HOXB7: variants seen among roughly 807,000 people sequenced by gnomAD.
HOXB7 encodes the protein homeobox B7, also known as homeobox protein Hox-B7.
HOXB7 carries 11 observed loss-of-function variants against 19.2 expected under a neutral mutation model. The ratio of observed to expected loss-of-function variants is 0.57; its 90% CI spans 0.36 to 0.95. HOXB7 has a LOEUF of 0.95. Among genes scored for constraint, HOXB7 ranks in the 40% least tolerant of loss-of-function variants. HOXB7 has a pLI of 0.01. For synonymous variants in HOXB7, 141 were observed against 130.2 expected (o/e 1.08, Z -0.56); for missense variants, 318 against 301.1 (o/e 1.06, Z -0.42).
Position 48,607,974 on chromosome 17 carries a change from G to A in HOXB7, c.522C>T (p.Leu174=), listed in dbSNP as rs775030826. 3 of 1,614,178 alleles carry A rather than the reference G, an allele frequency of 1.9e-6. 1 individual carries two copies. The South Asian group carries it at 3.3e-5, about 18-fold the overall frequency. Residue 174 remains leucine, a synonymous_variant, in exon 2 of 2, where the codon CTC becomes CTT. Coordinates refer to ENST00000239165, the MANE Select transcript of HOXB7 (RefSeq NM_004502.4). ...RRRRIEIAHT[L]CLTERQIKIW... is the part of the protein sequence containing the mutation. ...TCTTGATCTGTCTTTCCGTGAGGCA[G>A]AGCGTGTGCGCGATCTCGATGCGCC...
chr17:48,610,523 G>A lies in HOXB7; in HGVS notation c.396C>T (p.Ser132=). Residue 132 remains serine (S), a synonymous_variant, in exon 1 of 2, where the codon AGC becomes AGT. Transcript: ENST00000239165. ...CAGCTCGGTGCGCGGCGTTACCTGA[G>A]CTTCGCATCCAGGGGTAGATCCGGA... ...SNFRIYPWMR[S]SGTDRKRGRQ... 1 of 1,493,014 alleles carries A rather than the reference G, an allele frequency of 6.7e-7. No individual in the cohort carries two copies. The highest frequency in any genetic ancestry group is 1.9e-4 in the Middle Eastern group (1 of 5,216). The allele number at this position is 1,493,014 out of a possible 1,614,324, so 92.5% of individuals were successfully genotyped here.
chr17:48,607,719 TTTTG>T lies in HOXB7; in HGVS notation c.*119_*122del. 1.3e-6 allele frequency: 1 copy of T among 747,842 alleles called. No homozygotes were observed. The highest frequency in any genetic ancestry group is 2.0e-6 in the Non-Finnish European group (1 of 503,900). 46.3% of individuals were successfully genotyped at this position (747,842 alleles called of 1,614,324 possible). A position where few individuals can be genotyped will look rare whatever the true frequency, so the allele number is the denominator to read the frequency against. ...TTAAATAGGGTTTTTTTTTTGTTTT[TTTTG>T]TTTTTTGTTTTGTTTTTTTACTTCC... On this transcript the variant is annotated 3_prime_UTR_variant, in exon 2 of 2. Transcript: ENST00000239165.
At chr17:48,610,498 C>T in intron 1 of HOXB7, 21 bp downstream of exon 1, 1 of 1,463,850 alleles carries the variant, frequency 6.8e-7, no homozygotes, top group South Asian at 1.4e-5. Context: ...GGGCTCAGGA[C>T]AGCTCGGTGC....
chr17:48,610,942 C>T lies in HOXB7; in HGVS notation c.-24G>A. 6.8e-7 allele frequency: 1 copy of T among 1,468,204 alleles called. No individual in the cohort carries two copies. The highest frequency in any genetic ancestry group is 1.5e-5 in the South Asian group (1 of 67,544). 90.9% of individuals were successfully genotyped at this position (1,468,204 alleles called of 1,614,324 possible). A position where few individuals can be genotyped will look rare whatever the true frequency, so the allele number is the denominator to read the frequency against. The stretch of plus-strand genomic sequence containing the variant: ...ATAATTTGGCCGGATGATTTGTAGG[C>T]AGGGACGTTTTAGTGTCGGTTTTAC... On this transcript the variant is annotated 5_prime_UTR_variant, in exon 1 of 2. Transcript: ENST00000239165.
chr17:48,607,720 TTTG>T lies in HOXB7; in HGVS notation c.*119_*121del. 1.3e-6 allele frequency: 1 copy of T among 753,922 alleles called. No homozygotes were observed. Among genetic ancestry groups the T allele is most frequent in the Non-Finnish European group, 2.0e-6 (1 of 509,012 alleles). The allele number at this position is 753,922 out of a possible 1,614,324, so 46.7% of individuals were successfully genotyped here. ...TAAATAGGGTTTTTTTTTTGTTTTTTTTGTTTTTTGTTTTGTTTTTTTACTTCC... is the reference window on the plus strand; with the variant it reads ...TAAATAGGGTTTTTTTTTTGTTTTTTTTTTTTGTTTTGTTTTTTTACTTCC... On this transcript the variant is annotated 3_prime_UTR_variant, in exon 2 of 2. Transcript: ENST00000239165.
chr17:48,607,793 C>G lies in HOXB7; in HGVS notation c.*49G>C. 1.0e-4 allele frequency: 143 copies of G among 1,376,434 alleles called. No individual in the cohort carries two copies. The highest frequency in any genetic ancestry group is 1.4e-4 in the Non-Finnish European group (135 of 984,614). The allele number at this position is 1,376,434 out of a possible 1,614,324, so 85.3% of individuals were successfully genotyped here. Reference sequence around the variant, plus strand: ...TGATTCAGTTCCCAGAGCTGGGCTTCTCTTCCTCTCCCTTTCTCATGTCTC... The same window carrying G: ...TGATTCAGTTCCCAGAGCTGGGCTTGTCTTCCTCTCCCTTTCTCATGTCTC... On this transcript the variant is annotated 3_prime_UTR_variant, in exon 2 of 2. Coordinates refer to ENST00000239165, the MANE Select transcript of HOXB7 (RefSeq NM_004502.4).
rs770843856 is a variant in HOXB7 at position 48,607,965 on chromosome 17, C to G, written c.531G>C (p.Thr177=). The change falls in exon 2 of 2, where the codon ACG becomes ACC. Residue 177 remains threonine (T), a synonymous_variant. Coordinates refer to ENST00000239165, the MANE Select transcript of HOXB7 (RefSeq NM_004502.4). ...GAAACCAAATCTTGATCTGTCTTTC[C>G]GTGAGGCAGAGCGTGTGCGCGATCT... The part of the protein sequence containing the change: ...RIEIAHTLCL[T]ERQIKIWFQN... The G allele has an allele frequency of 1.2e-6, 2 of 1,614,060 alleles. No homozygotes were observed. The highest frequency in any genetic ancestry group is 4.5e-5 in the East Asian group (2 of 44,888).
Position 48,610,937 on chromosome 17 carries a change from G to C in HOXB7, c.-19C>G. The C allele has an allele frequency of 6.8e-7, 1 of 1,474,056 alleles. No homozygotes were observed. The highest frequency in any genetic ancestry group is 9.0e-7 in the Non-Finnish European group (1 of 1,111,238). The allele number at this position is 1,474,056 out of a possible 1,614,324, so 91.3% of individuals were successfully genotyped here. On this transcript the variant is annotated 5_prime_UTR_variant, in exon 1 of 2. Coordinates refer to ENST00000239165, the MANE Select transcript of HOXB7 (RefSeq NM_004502.4). Reference sequence around the variant, plus strand: ...AACTCATAATTTGGCCGGATGATTTGTAGGCAGGGACGTTTTAGTGTCGGT... The same window carrying C: ...AACTCATAATTTGGCCGGATGATTTCTAGGCAGGGACGTTTTAGTGTCGGT...
At position 48,607,900 on chromosome 17, in the gene HOXB7, G is replaced by A. The variant is rs766204258; in HGVS notation, c.596C>T (p.Ala199Val). ...GTCTTGGCCGGTGGTCCCCGGGCCC[G>A]CGGTCTTGTTCTCCTTTTTCCACTT... ...RMKWKKENKT[A>V]GPGTTGQDRA... Residue 199 changes from alanine (A) to valine (V), a missense_variant, in exon 2 of 2, where the codon GCG becomes GTG. Ala to Val is a moderately conservative substitution (Grantham distance 64). Coordinates refer to ENST00000239165, the MANE Select transcript of HOXB7 (RefSeq NM_004502.4). 10 of 1,613,780 alleles carry A rather than the reference G, an allele frequency of 6.2e-6. No individual in the cohort carries two copies. In the East Asian group the frequency reaches 1.8e-4, roughly 29 times the overall value.
Position 48,610,683 on chromosome 17 carries a change from C to CCAT in HOXB7, c.233_235dup (p.Tyr78_Gly79insAsp), listed in dbSNP as rs770361846. 6.4e-7 allele frequency: 1 copy of CCAT among 1,573,634 alleles called. No individual in the cohort carries two copies. Among genetic ancestry groups the CCAT allele is most frequent in the South Asian group, 1.1e-5 (1 of 87,674 alleles). ...CATGTTGAAGGAACTCGGCTCGAGCCCATAGCCGGCCGCGTAGACGCCGGC... is the reference window on the plus strand; with the variant it reads ...CATGTTGAAGGAACTCGGCTCGAGCCCATCATAGCCGGCCGCGTAGACGCCGGC... On this transcript the variant is annotated inframe_insertion, in exon 1 of 2. Coordinates refer to ENST00000239165, the MANE Select transcript of HOXB7 (RefSeq NM_004502.4).
rs558115083 is a variant in HOXB7, at chr17:48,609,839, C to T, written c.400+680G>A. On this transcript the variant is annotated intron_variant, in intron 1 of 1. Coordinates refer to ENST00000239165, the MANE Select transcript of HOXB7 (RefSeq NM_004502.4). Reference sequence around the variant, plus strand: ...GCCCCTTTCTAGTTCTCCTGTTCCACTCCCCCACCCAGGTTCACTGGGATC... The same window carrying T: ...GCCCCTTTCTAGTTCTCCTGTTCCATTCCCCCACCCAGGTTCACTGGGATC... Among the ~76,000 whole-genome samples, 7 of 152,322 alleles carry T rather than the reference C, an allele frequency of 4.6e-5. No homozygotes were observed. In the South Asian group the frequency reaches 1.5e-3, roughly 32 times the overall value.
At chr17:48,608,445 A>AG (rs1247582884) in intron 1 of HOXB7, 1 of 167,832 alleles carries the variant, frequency 6.0e-6, no homozygotes, top group Middle Eastern at 2.7e-3. Context: ...AAAAAAAAAA[A>AG]AAGGAAACGC....
At position 48,607,859 on chromosome 17, in the gene HOXB7, C is replaced by T. The variant is rs572654468; in HGVS notation, c.637G>A (p.Glu213Lys). Residue 213 changes from glutamate to lysine, a missense_variant, in exon 2 of 2, where the codon GAG becomes AAG. Coordinates refer to ENST00000239165, the MANE Select transcript of HOXB7 (RefSeq NM_004502.4). The part of the protein sequence containing the change: ...TTGQDRAEAE[E>K]EEEE ...TCCATCCCTCACTCTTCCTCTTCCT[C>T]CTCTGCTTCAGCCCTGTCTTGGCCG... The T allele has an allele frequency of 1.5e-5, 25 of 1,613,808 alleles. No homozygotes were observed. The highest frequency in any genetic ancestry group is 8.3e-5 in the Admixed American group (5 of 60,030).
At chr17:48,610,347 G>A (rs1243162107) in intron 1 of HOXB7, among the ~76,000 whole-genome samples, 172 bp downstream of exon 1, 1 of 152,184 alleles carries the variant, frequency 6.6e-6, no homozygotes, top group Non-Finnish European at 1.5e-5. Flanking sequence ...GAGCAAATAT[G>A]GGGGCGGGGA....
At chr17:48,608,785 C>T (rs2070615423) in intron 1 of HOXB7, among the ~76,000 whole-genome samples, 1 of 152,140 alleles carries the variant, frequency 6.6e-6, no homozygotes, top group South Asian at 2.1e-4. Flanking sequence ...GGACCCTAAA[C>T]CCCCTTTTCT....
chr17:48,609,079 T>G (rs537799735), intron 1 of HOXB7, among the ~76,000 whole-genome samples: 3 of 152,350 alleles, frequency 2.0e-5, no homozygotes, highest in Non-Finnish European at 4.4e-5. Flanking sequence ...CTGTCCTGCT[T>G]GCCTGCTTGC....
Position 48,607,725 on chromosome 17 carries a change from T to G in HOXB7, c.*117A>C, listed in dbSNP as rs961689217. 4.8e-5 allele frequency: 38 copies of G among 786,796 alleles called. No individual in the cohort carries two copies. In the Admixed American group the frequency reaches 1.2e-3, roughly 24 times the overall value. The allele number at this position is 786,796 out of a possible 1,614,324, so 48.7% of individuals were successfully genotyped here. A position where few individuals can be genotyped will look rare whatever the true frequency, so the allele number is the denominator to read the frequency against. The stretch of plus-strand genomic sequence containing the variant: ...AGGGTTTTTTTTTTGTTTTTTTTGT[T>G]TTTTGTTTTGTTTTTTTACTTCCCT... On this transcript the variant is annotated 3_prime_UTR_variant, in exon 2 of 2. Transcript: ENST00000239165.
intron 1 of HOXB7, among the ~76,000 whole-genome samples, chr17:48,609,709 C>T (rs1201003858): frequency 6.6e-6 from 1 of 152,070 alleles, no homozygotes; most frequent in Non-Finnish European, 1.5e-5. Context: ...AGAAAAGGGT[C>T]ACTTATCTGG....
At chr17:48,609,353 G>A (rs1225636116) in intron 1 of HOXB7, among the ~76,000 whole-genome samples, 7 of 152,218 alleles carry the variant, frequency 4.6e-5, no homozygotes, top group Non-Finnish European at 8.8e-5. Context: ...AAATGCTGAT[G>A]AGCAGAAAAA....
Sources: gnomAD v4.1 joint callset for allele counts (sites outside exome capture counted in the v4.1 genomes callset) on GRCh38, gnomAD v4.1.1 for gene constraint, MANE v1.5 for transcripts, NCBI Gene and HGNC (gene_info 2026-07-23, HGNC 2026-07-21) for gene names.